Variants in MGAT4C observed in about 807,000 individuals in gnomAD.
MGAT4C encodes alpha-1,3-mannosyl-glycoprotein 4-beta-N-acetylglucosaminyltransferase C.
A neutral mutation model predicts 40.1 loss-of-function variants in MGAT4C; 19 were observed. The ratio of observed to expected loss-of-function variants is 0.47; its 90% CI spans 0.33 to 0.70. The LOEUF (loss-of-function observed/expected upper bound fraction) is 0.70. Ranked by LOEUF, MGAT4C falls within the 30% of genes least tolerant of loss-of-function variation. The pLI is 0.02. For missense variants in MGAT4C, 491 were observed against 563.2 expected (o/e 0.87, Z 1.30); for synonymous variants, 181 against 187.1 (o/e 0.97, Z 0.27).
intron 3 of MGAT4C, among the ~76,000 whole-genome samples, chr12:86,406,129 G>A (rs1956468269): frequency 2.0e-5 from 3 of 148,000 alleles, no homozygotes; most frequent in Middle Eastern, 3.4e-3. Flanking sequence ...AACCCTAAAT[G>A]GATCATAGAA....
chr12:86,173,646 C>A (rs1887080194), intron 1 of MGAT4C, among the ~76,000 whole-genome samples: 1 of 151,954 alleles, frequency 6.6e-6, no homozygotes. Context: ...TGTTTTCAAA[C>A]AGTGGAACAC....
chr12:86,766,712 A>T (rs1161946168), intron 1 of MGAT4C, among the ~76,000 whole-genome samples: 1 of 152,058 alleles, frequency 6.6e-6, no homozygotes, highest in African/African-American at 2.4e-5. Flanking sequence ...AGATTAAGAA[A>T]CTCACTCAAA....
chr12:86,367,411 G>A (rs960348063), intron 3 of MGAT4C, among the ~76,000 whole-genome samples: 6 of 152,184 alleles, frequency 3.9e-5, no homozygotes, highest in Admixed American at 2.6e-4. Flanking sequence ...GAAGATGTTT[G>A]GGAACACACA....
intron 1 of MGAT4C, among the ~76,000 whole-genome samples, chr12:86,230,698 T>C (rs1053543484): frequency 1.3e-5 from 2 of 152,082 alleles, no homozygotes; most frequent in Admixed American, 1.3e-4. Context: ...CATATGTTTA[T>C]ATGGGAAAGG....
chr12:86,211,351 A>G (rs1025940010), intron 1 of MGAT4C, among the ~76,000 whole-genome samples: 6 of 145,144 alleles, frequency 4.1e-5, no homozygotes, highest in African/African-American at 1.5e-4. Context: ...TCATGAGGTC[A>G]AGAGATCAAG....
At chr12:86,147,605 T>C (rs913350944) in intron 1 of MGAT4C, among the ~76,000 whole-genome samples, 1 of 152,164 alleles carries the variant, frequency 6.6e-6, no homozygotes, top group African/African-American at 2.4e-5. Context: ...CTAAATAACA[T>C]GTCTGGGTGA....
chr12:86,282,053 C>T (rs149053457), intron 4 of MGAT4C, among the ~76,000 whole-genome samples: 2 of 152,114 alleles, frequency 1.3e-5, no homozygotes, highest in Non-Finnish European at 2.9e-5. Context: ...ATGTTATGTA[C>T]ATGGGGGCTT....
At chr12:85,991,527 C>A (rs1003232819) in intron 2 of MGAT4C, among the ~76,000 whole-genome samples, 1 of 152,178 alleles carries the variant, frequency 6.6e-6, no homozygotes, top group Non-Finnish European at 1.5e-5. Context: ...GCTGCTTGCA[C>A]CAATGGGCAC....
At chr12:86,491,572 C>A (rs577140359) in intron 2 of MGAT4C, among the ~76,000 whole-genome samples, 1,691 of 152,014 alleles carry the variant, frequency 0.011, 16 homozygotes, top group East Asian at 0.045. Flanking sequence ...AGATGCAGAA[C>A]AGGCCTTTGA....
chr12:86,788,961 C>G (rs1951979210), intron 1 of MGAT4C, among the ~76,000 whole-genome samples: 1 of 152,010 alleles, frequency 6.6e-6, no homozygotes, highest in Admixed American at 6.6e-5. Context: ...TTCTGGAGAG[C>G]ATGAAGAACA....
chr12:86,067,195 A>AC (rs1894626446), intron 1 of MGAT4C, among the ~76,000 whole-genome samples: 1 of 152,154 alleles, frequency 6.6e-6, no homozygotes, highest in South Asian at 2.1e-4. Context: ...TGACCTAGCA[A>AC]CCTTATTACT....
chr12:86,593,871 C>A (rs12309363), intron 2 of MGAT4C, among the ~76,000 whole-genome samples: 2 of 152,058 alleles, frequency 1.3e-5, no homozygotes, highest in African/African-American at 4.8e-5. Context: ...CTTCTCCAGG[C>A]AAAATCTCTG....
intron 1 of MGAT4C, among the ~76,000 whole-genome samples, chr12:86,200,136 T>TTTG (rs1555246199): frequency 5.9e-5 from 5 of 84,752 alleles, no homozygotes; most frequent in Admixed American, 3.3e-4. Flanking sequence ...TGTTTTTTTT[T>TTTG]TTTTTTTTTT....
chr12:86,807,972 T>A (rs185930301), intron 1 of MGAT4C, among the ~76,000 whole-genome samples: 2 of 147,976 alleles, frequency 1.4e-5, no homozygotes, highest in East Asian at 3.9e-4. Flanking sequence ...TTTTAATGGT[T>A]TTTTTTTCTT....
Position 86,826,996 on chromosome 12 carries a change from C to T in MGAT4C, c.-262+11670G>A, listed in dbSNP as rs1401130576. 4.0e-5 allele frequency among the ~76,000 whole-genome samples: 6 copies of T among 151,378 alleles called. No homozygotes were observed. The Admixed American group carries it at 4.0e-4, about 10-fold the overall frequency. ...TATACTTCTAACATAACAGAAATAA[C>T]ATGGTACTTAATTTTCTTTAGAAAA... On this transcript the variant is annotated intron_variant, in intron 1 of 7. Coordinates refer to the MGAT4C transcript ENST00000548651.
At chr12:86,759,101 AC>A (rs1487014910) in intron 1 of MGAT4C, among the ~76,000 whole-genome samples, 1 of 152,022 alleles carries the variant, frequency 6.6e-6, no homozygotes, top group African/African-American at 2.4e-5. Context: ...TATGAGAACA[AC>A]TTTTAGATTC....
intron 3 of MGAT4C, among the ~76,000 whole-genome samples, chr12:86,403,529 A>G (rs976717648): frequency 6.6e-5 from 10 of 152,220 alleles, no homozygotes; most frequent in African/African-American, 2.2e-4. Flanking sequence ...CATTCATTTT[A>G]GAAAGTAAGG....
intron 4 of MGAT4C, among the ~76,000 whole-genome samples, chr12:86,299,151 T>TG (rs969218642): frequency 2.0e-5 from 3 of 152,214 alleles, no homozygotes; most frequent in Admixed American, 2.0e-4. Flanking sequence ...AATCTCGCTC[T>TG]GTCGCCCAGG....
chr12:86,831,352 T>C (rs2136236342), intron 1 of MGAT4C, among the ~76,000 whole-genome samples: 1 of 151,704 alleles, frequency 6.6e-6, no homozygotes, highest in South Asian at 2.1e-4. Context: ...CACAGGGGTG[T>C]TTAATGTTAC....
Sources: allele counts gnomAD v4.1 joint callset (sites outside exome capture counted in the v4.1 genomes callset), GRCh38; gene constraint gnomAD v4.1.1; transcripts MANE v1.5; gene names NCBI Gene and HGNC (gene_info 2026-07-23, HGNC 2026-07-21).